MAP1B: variants seen among roughly 807,000 people sequenced by gnomAD.
MAP1B encodes microtubule associated protein 1B, also known as microtubule-associated protein 1B.
Under a neutral mutation model 176.1 loss-of-function variants are expected in MAP1B, and 12 were observed. The observed-to-expected ratio is 0.07, with a 90% CI of 0.04 to 0.11. The LOEUF (loss-of-function observed/expected upper bound fraction) is 0.11. MAP1B is among the 10% of genes least tolerant of loss of function. The probability of loss-of-function intolerance (pLI) is 1.00; values close to 1 mark genes in which losing one functional copy is unlikely to be tolerated. For synonymous variants in MAP1B, 1,044 were observed against 1,135.0 expected (o/e 0.92, Z 1.61); for missense variants, 2,523 against 2,990.5 (o/e 0.84, Z 3.65).
At chr5:72,172,510 C>T (rs1249957254) in intron 2 of MAP1B, among the ~76,000 whole-genome samples, 1 of 151,788 alleles carries the variant, frequency 6.6e-6, no homozygotes, top group Non-Finnish European at 1.5e-5. Flanking sequence ...GTTTTGAGAC[C>T]GAATAATAGT....
chr5:72,197,290 G>C lies in MAP1B; in HGVS notation c.3935G>C (p.Ser1312Thr), dbSNP rs1372740525. 1 of 1,614,076 alleles carries C rather than the reference G, an allele frequency of 6.2e-7. No homozygotes were observed. Among genetic ancestry groups the C allele is most frequent in the African/African-American group, 1.3e-5 (1 of 74,930 alleles). Reference sequence around the variant, plus strand: ...GAAGTAGTTGAAGAACATTGTGCTAGTCCTGAGGACAAGACTCTGGAAGTG... The same window carrying C: ...GAAGTAGTTGAAGAACATTGTGCTACTCCTGAGGACAAGACTCTGGAAGTG... ...TQEVVEEHCA[S>T]PEDKTLEVVS... The change falls in exon 5 of 7, where the codon AGT (serine) becomes ACT (threonine). Residue 1312 changes from serine to threonine, a missense_variant. Transcript: ENST00000296755.
intron 2 of MAP1B, among the ~76,000 whole-genome samples, chr5:72,142,880 G>A (rs1037421293): frequency 2.0e-5 from 3 of 152,148 alleles, no homozygotes; most frequent in African/African-American, 7.2e-5. Context: ...TAGATGAGGG[G>A]TGGCATTGAG....
intron 2 of MAP1B, among the ~76,000 whole-genome samples, chr5:72,177,892 ACT>A (rs1346611682): frequency 2.6e-5 from 4 of 151,992 alleles, no homozygotes; most frequent in African/African-American, 9.7e-5. Flanking sequence ...GAGTTGAATA[ACT>A]CTGACTCTAT....
Position 72,197,371 on chromosome 5 carries a change from C to A in MAP1B, c.4016C>A (p.Ser1339Tyr). The change falls in exon 5 of 7, where the codon TCT becomes TAT. Residue 1339 changes from serine to tyrosine, a missense_variant. Ser to Tyr is a moderately radical substitution (Grantham distance 144). Transcript: ENST00000296755. ...GCTGGTCACACACCTTACTATCAAT[C>A]TCCTACTGACGAGAAATCCAGTCAT... The part of the protein sequence containing the change: ...GSAGHTPYYQ[S>Y]PTDEKSSHLP... 6.2e-7 allele frequency: 1 copy of A among 1,614,220 alleles called. No individual in the cohort carries two copies. Among genetic ancestry groups the A allele is most frequent in the Non-Finnish European group, 8.5e-7 (1 of 1,180,028 alleles).
Position 72,199,674 on chromosome 5 carries a change from C to T in MAP1B, c.6319C>T (p.Leu2107Phe). ...LSPSFINPNP[L>F]EWFASEEPTE... ...ACCCTCTTTCATTAATCCCAATCCT[C>T]TTGAGTGGTTTGCCAGTGAAGAACC... Residue 2107 changes from leucine (L) to phenylalanine (F), a missense_variant, in exon 5 of 7, where the codon CTT becomes TTT. This residue lies in a region of MAP1B where 1,925 missense variants were observed against 2,126.0 expected (regional missense o/e 0.91). Transcript: ENST00000296755. The surrounding 1 kb of genome is among the most constrained non-coding windows in gnomAD (Gnocchi z 4.2). The T allele has an allele frequency of 6.2e-7, 1 of 1,614,194 alleles. No homozygotes were observed. The highest frequency in any genetic ancestry group is 8.5e-7 in the Non-Finnish European group (1 of 1,180,032).
Position 72,200,055 on chromosome 5 carries a change from G to A in MAP1B, c.6700G>A (p.Ala2234Thr). 1.2e-6 allele frequency: 2 copies of A among 1,614,226 alleles called. No individual in the cohort carries two copies. Among genetic ancestry groups the A allele is most frequent in the South Asian group, 1.1e-5 (1 of 91,086 alleles). ...GGCCATTGAGCAGAACCTGGGCAAA[G>A]CTCTAAAGAAAGATCTGAAAGAGAA... ...ALAIEQNLGKALKKDLKEKTK... is the reference protein window; with the variant it reads ...ALAIEQNLGKTLKKDLKEKTK... Residue 2234 changes from alanine to threonine, a missense_variant, in exon 5 of 7, where the codon GCT (alanine) becomes ACT (threonine). Physicochemically the swap from Ala to Thr is moderately conservative, Grantham distance 58 (BLOSUM62 0). Transcript: ENST00000296755.
intron 3 of MAP1B, among the ~76,000 whole-genome samples, chr5:72,185,157 A>T (rs1228599508): frequency 6.6e-6 from 1 of 152,216 alleles, no homozygotes; most frequent in Non-Finnish European, 1.5e-5. Flanking sequence ...CAGGCTGAAC[A>T]GTGCCAGTGT....
intron 2 of MAP1B, among the ~76,000 whole-genome samples, chr5:72,180,492 AT>A (rs1746742945): frequency 6.6e-6 from 1 of 152,120 alleles, no homozygotes; most frequent in African/African-American, 2.4e-5. Context: ...TTCTTATTTA[AT>A]TTGATTTTCT....
At position 72,198,952 on chromosome 5, in the gene MAP1B, G is replaced by C; in HGVS notation, c.5597G>C (p.Gly1866Ala). ...AAGGACAGTGGAGGGAAGACACCTG[G>C]TGACTTTAGCTATGCCTATCAAAAG... ...LEKDSGGKTP[G>A]DFSYAYQKPE... The change falls in exon 5 of 7, where the codon GGT becomes GCT. Residue 1866 changes from glycine (G) to alanine (A), a missense_variant. Physicochemically the swap from Gly to Ala is moderately conservative, Grantham distance 60 (BLOSUM62 0). Transcript: ENST00000296755. 1.2e-6 allele frequency: 2 copies of C among 1,614,164 alleles called. No individual in the cohort carries two copies. The highest frequency in any genetic ancestry group is 1.7e-6 in the Non-Finnish European group (2 of 1,180,030).
At chr5:72,147,484 G>A (rs571443510) in intron 2 of MAP1B, among the ~76,000 whole-genome samples, 1 of 151,826 alleles carries the variant, frequency 6.6e-6, no homozygotes, top group Non-Finnish European at 1.5e-5. Context: ...AAAGAAAGGG[G>A]TCTCTACCCT....
intron 2 of MAP1B, among the ~76,000 whole-genome samples, chr5:72,141,879 C>T (rs114537044): frequency 9.8e-5 from 15 of 152,288 alleles, no homozygotes; most frequent in African/African-American, 1.9e-4. Flanking sequence ...ACACTGGGGA[C>T]GACAGCAAAT....
chr5:72,165,912 G>A (rs1746419443), intron 2 of MAP1B, among the ~76,000 whole-genome samples: 1 of 152,150 alleles, frequency 6.6e-6, no homozygotes, highest in Admixed American at 6.5e-5. Context: ...AGATAGACTA[G>A]AAGGGAGAAA....
intron 2 of MAP1B, among the ~76,000 whole-genome samples, chr5:72,174,992 TCCTTCCTTCCTTCCCTCCCTC>T (rs1746622345): frequency 9.1e-6 from 1 of 109,968 alleles, no homozygotes; most frequent in East Asian, 3.2e-4. Flanking sequence ...CTTCCCTCCC[TCCTTCCTTCCTTCCCTCCCTC>T]CCTTCCTTCC....
In MAP1B at chr5:72,198,508, C is replaced by T; in HGVS notation, c.5153C>T (p.Ser1718Phe). 1 of 1,614,008 alleles carries T rather than the reference C, an allele frequency of 6.2e-7. No individual in the cohort carries two copies. Residue 1718 changes from serine to phenylalanine, a missense_variant, in exon 5 of 7, where the codon TCT (serine) becomes TTT (phenylalanine). Physicochemically the swap from Ser to Phe is radical, Grantham distance 155 (BLOSUM62 -2). Coordinates refer to ENST00000296755, the MANE Select transcript of MAP1B (RefSeq NM_005909.5). ...EPSYTQDNDL[S>F]ELISVSQVEA... is the part of the protein sequence containing the mutation. ...TCCTACACCCAAGATAATGATCTTT[C>T]TGAGCTCATCTCAGTATCTCAGGTA...
At chr5:72,109,205 C>T (rs4704543) in intron 1 of MAP1B, among the ~76,000 whole-genome samples, 3,518 of 150,706 alleles carry the variant, frequency 0.023, 193 homozygotes, top group East Asian at 0.21. Context: ...TTTTGTTTAA[C>T]TTTAAAGCAC....
At chr5:72,139,768 A>C (rs1472350581) in intron 2 of MAP1B, among the ~76,000 whole-genome samples, 1 of 152,178 alleles carries the variant, frequency 6.6e-6, no homozygotes, top group Non-Finnish European at 1.5e-5. Flanking sequence ...CTTACATAAA[A>C]ATCTAAGTTT....
chr5:72,166,259 C>T (rs564958509), intron 2 of MAP1B, among the ~76,000 whole-genome samples: 1 of 152,234 alleles, frequency 6.6e-6, no homozygotes, highest in East Asian at 1.9e-4. Context: ...ACAGAGCCTC[C>T]CTAAGCAGCA....
In MAP1B at chr5:72,183,083, C is replaced by T. The variant is rs370702211; in HGVS notation, c.287-660C>T. Among the ~76,000 whole-genome samples the T allele has an allele frequency of 2.0e-5, 3 of 152,208 alleles. No individual in the cohort carries two copies. In the East Asian group the frequency reaches 5.8e-4, roughly 29 times the overall value. On this transcript the variant is annotated intron_variant, in intron 2 of 6. Transcript: ENST00000296755. The stretch of plus-strand genomic sequence containing the variant: ...CTTAGACAGGCGGTCATCACACCAA[C>T]GCCTTGCTTTGTTGTTCTCTGTCCA...
At chr5:72,203,871 T>G in intron 6 of MAP1B, 70 bp downstream of exon 6, 1 of 1,426,362 alleles carries the variant, frequency 7.0e-7, no homozygotes, top group Non-Finnish European at 9.8e-7. Flanking sequence ...AGGAACCATG[T>G]TTAAAGAGGC....
Sources: allele counts gnomAD v4.1 joint callset (sites outside exome capture counted in the v4.1 genomes callset), GRCh38; gene constraint gnomAD v4.1.1; regional missense constraint gnomAD v4.1.1; non-coding constraint Gnocchi (gnomAD v3.1); transcripts MANE v1.5; gene names NCBI Gene and HGNC (gene_info 2026-07-23, HGNC 2026-07-21).